The following MCC variants were observed in gnomAD, a reference collection of about 807,000 sequenced individuals.
The protein encoded by MCC is MCC regulator of Wnt signaling pathway.
In MCC, 90 loss-of-function variants were observed where a neutral mutation model predicts 116.2. The ratio of observed to expected loss-of-function variants is 0.77; its 90% confidence interval spans 0.65 to 0.92. The LOEUF (loss-of-function observed/expected upper bound fraction) is 0.92, where lower values mean the gene tolerates loss of function less well. Ranked by LOEUF, MCC falls within the 40% of genes least tolerant of loss-of-function variation. MCC has a pLI of 0.00. For missense variants in MCC, 1,516 were observed against 1,312.2 expected, an observed-to-expected ratio of 1.16 and a Z score of -2.40; for synonymous variants, 578 against 510.5, an observed-to-expected ratio of 1.13 and a Z score of -1.78.
At chr5:113,369,409 T>G (rs1452528077) in intron 2 of MCC, among the ~76,000 whole-genome samples, 2 of 152,116 alleles carry the variant, frequency 1.3e-5, no homozygotes, top group Admixed American at 1.3e-4. Context: ...AATATATATT[T>G]TATAATATCA....
At chr5:113,095,754 G>A (rs1052608386) in intron 8 of MCC, among the ~76,000 whole-genome samples, 80 of 152,180 alleles carry the variant, frequency 5.3e-4, no homozygotes, top group Non-Finnish European at 1.0e-3. Flanking sequence ...TGGTGATTTA[G>A]GCTTTGAGTA....
chr5:113,252,298 C>T lies in MCC; in HGVS notation c.627+88221G>A, dbSNP rs536007217. ...AAGCAGGAGGTGAGTGGTGGGTGGG[C>T]GAGTGAGAGAAGCTTCATCTGTATT... On this transcript the variant is annotated intron_variant, in intron 3 of 18. Coordinates refer to ENST00000408903, the MANE Select transcript of MCC (RefSeq NM_001085377.2). Among the ~76,000 whole-genome samples, 80 of 152,290 alleles carry T rather than the reference C, an allele frequency of 5.3e-4. 1 individual carries two copies. The South Asian group carries it at 0.014, about 26-fold the overall frequency.
chr5:113,217,912 T>C (rs536356983), intron 3 of MCC, among the ~76,000 whole-genome samples: 1 of 152,184 alleles, frequency 6.6e-6, no homozygotes, highest in African/African-American at 2.4e-5. Context: ...TCCTTTCCTC[T>C]TCCAACACAT....
At chr5:113,045,211 T>C (rs1751990639) in intron 16 of MCC, among the ~76,000 whole-genome samples, 1 of 152,204 alleles carries the variant, frequency 6.6e-6, no homozygotes, top group Non-Finnish European at 1.5e-5. Context: ...TCACTGAATA[T>C]ACTTGGCAGT....
At chr5:113,228,340 C>G (rs1475760484) in intron 3 of MCC, among the ~76,000 whole-genome samples, 1 of 152,142 alleles carries the variant, frequency 6.6e-6, no homozygotes, top group Non-Finnish European at 1.5e-5. Flanking sequence ...TACACACACA[C>G]ACACCACCCC....
At chr5:113,183,830 AG>A (rs1761750295) in intron 3 of MCC, among the ~76,000 whole-genome samples, 2 of 152,126 alleles carry the variant, frequency 1.3e-5, no homozygotes, top group Non-Finnish European at 2.9e-5. Flanking sequence ...GTGGGGAGAA[AG>A]GGGGCCAAAG....
At chr5:113,286,877 TC>T (rs1766282743) in intron 3 of MCC, among the ~76,000 whole-genome samples, 2 of 152,220 alleles carry the variant, frequency 1.3e-5, no homozygotes, top group African/African-American at 4.8e-5. Context: ...TCCTCTTTCC[TC>T]TCTGTACCAA....
intron 5 of MCC, 154 bp from the exon 6 acceptor site, chr5:113,122,980 T>C (rs1032175810): frequency 9.3e-6 from 7 of 751,366 alleles, no homozygotes; most frequent in African/African-American, 3.5e-5. Context: ...GCGAAATAGA[T>C]AGTCACATCT....
At chr5:113,230,318 G>A (rs909329721) in intron 3 of MCC, among the ~76,000 whole-genome samples, 41 of 152,022 alleles carry the variant, frequency 2.7e-4, no homozygotes, top group African/African-American at 9.4e-4. Context: ...ATGACTTTTA[G>A]GTCATACAAT....
In MCC at chr5:113,176,650, C is replaced by T. The variant is rs150226912; in HGVS notation, c.628-25228G>A. On this transcript the variant is annotated intron_variant, in intron 3 of 18. Coordinates refer to ENST00000408903, the MANE Select transcript of MCC (RefSeq NM_001085377.2). ...TCCCTGCAAACTAACCCACCCCGTA[C>T]ATCCAGCTTGCTAGGCAATTGAACT... Among the ~76,000 whole-genome samples, 899 of 152,324 alleles carry T rather than the reference C, an allele frequency of 5.9e-3. 5 individuals carry two copies. The highest frequency in any genetic ancestry group is 0.014 in the Middle Eastern group (4 of 294).
At chr5:113,421,854 C>T (rs13362158) in intron 1 of MCC, among the ~76,000 whole-genome samples, 10,316 of 152,260 alleles carry the variant, frequency 0.068, 762 homozygotes, top group African/African-American at 0.18. Context: ...TAGTCAATTT[C>T]CTAGGATCCA....
intron 11 of MCC, among the ~76,000 whole-genome samples, chr5:113,071,880 G>C (rs1754066968): frequency 6.6e-6 from 1 of 152,168 alleles, no homozygotes; most frequent in African/African-American, 2.4e-5. Context: ...AGTGGGAAAT[G>C]GACGAGGAGC....
At chr5:113,360,826 C>T (rs1173462887) in intron 2 of MCC, among the ~76,000 whole-genome samples, 1 of 152,138 alleles carries the variant, frequency 6.6e-6, no homozygotes, top group South Asian at 2.1e-4. Context: ...CCTTGCCTGC[C>T]AATGTCATTG....
At chr5:113,283,213 G>C (rs1766116831) in intron 3 of MCC, among the ~76,000 whole-genome samples, 2 of 152,176 alleles carry the variant, frequency 1.3e-5, no homozygotes, top group African/African-American at 4.8e-5. Context: ...GAAATACCAA[G>C]GCGTGAGTAC....
chr5:113,075,432 C>G (rs569767634), intron 11 of MCC, among the ~76,000 whole-genome samples: 1 of 152,210 alleles, frequency 6.6e-6, no homozygotes, highest in Admixed American at 6.5e-5. Context: ...GTGCATGGCA[C>G]GGGACTGGCG....
intron 13 of MCC, 94 bp downstream of exon 13, chr5:113,067,986 T>C (rs1473820437): frequency 2.8e-6 from 3 of 1,082,792 alleles, no homozygotes; most frequent in African/African-American, 3.1e-5. Context: ...TTTTGTGTTG[T>C]CGGGAGATGA....
At chr5:113,060,369 G>A (rs147083524) in intron 14 of MCC, among the ~76,000 whole-genome samples, 4 of 152,114 alleles carry the variant, frequency 2.6e-5, no homozygotes, top group Non-Finnish European at 5.9e-5. Context: ...TGTCCAGGGT[G>A]GTCTCAAACT....
intron 1 of MCC, among the ~76,000 whole-genome samples, chr5:113,410,375 G>C (rs1310414858): frequency 6.6e-6 from 1 of 152,046 alleles, no homozygotes; most frequent in Non-Finnish European, 1.5e-5. Context: ...TATTTAATTG[G>C]TAACTTCCAT....
chr5:113,260,496 G>A (rs1765182696), intron 3 of MCC, among the ~76,000 whole-genome samples: 1 of 152,022 alleles, frequency 6.6e-6, no homozygotes, highest in African/African-American at 2.4e-5. Flanking sequence ...GAAAATGAAG[G>A]GTGTCTTGCA....
Sources: allele counts gnomAD v4.1 joint callset (sites outside exome capture counted in the v4.1 genomes callset), GRCh38; gene constraint gnomAD v4.1.1; transcripts MANE v1.5; gene names NCBI Gene and HGNC (gene_info 2026-07-23, HGNC 2026-07-21).